AGAP1: variants seen among roughly 807,000 people sequenced by gnomAD.
AGAP1 encodes arf-GAP with GTPase, ANK repeat and PH domain-containing protein 1.
Under a neutral mutation model 105.3 loss-of-function variants are expected in AGAP1, and 29 were observed. That is an observed-to-expected ratio of 0.28 (90% CI 0.21 to 0.38). The LOEUF is 0.38. Among genes scored for constraint, AGAP1 ranks in the 10% least tolerant of loss-of-function variants. The pLI is 1.00. For missense variants in AGAP1, 998 were observed against 1,165.1 expected, an observed-to-expected ratio of 0.86 and a Z score of 2.09; for synonymous variants, 509 against 485.9, an observed-to-expected ratio of 1.05 and a Z score of -0.63.
intron 1 of AGAP1, among the ~76,000 whole-genome samples, chr2:235,584,193 C>CT (rs11447483): frequency 0.35 from 48,466 of 139,794 alleles, 8,735 homozygotes; most frequent in Middle Eastern, 0.48. Context: ...CAATAAACCA[C>CT]TTTTTTTTTT....
At chr2:235,698,070 T>C (rs1950078407) in intron 1 of AGAP1, among the ~76,000 whole-genome samples, 1 of 151,956 alleles carries the variant, frequency 6.6e-6, no homozygotes, top group Non-Finnish European at 1.5e-5. Context: ...GGGGGGATGG[T>C]TTGGGATGAA....
chr2:235,562,539 T>G (rs1250203279), intron 1 of AGAP1, among the ~76,000 whole-genome samples: 2 of 150,450 alleles, frequency 1.3e-5, no homozygotes, highest in Non-Finnish European at 3.0e-5. Context: ...GTCCGGCTTC[T>G]CTCCTTTCCG....
intron 6 of AGAP1, among the ~76,000 whole-genome samples, chr2:235,765,846 G>T (rs1358613035): frequency 6.6e-6 from 1 of 152,108 alleles, no homozygotes; most frequent in Non-Finnish European, 1.5e-5. Flanking sequence ...TCCCATGCCC[G>T]CACCAAGATT....
Position 235,553,851 on chromosome 2 carries a change from A to G in AGAP1, c.163+59002A>G, listed in dbSNP as rs572094981. Among the ~76,000 whole-genome samples the G allele has an allele frequency of 7.9e-5, 12 of 152,348 alleles. No individual in the cohort carries two copies. In the South Asian group the frequency reaches 1.9e-3, roughly 24 times the overall value. The stretch of plus-strand genomic sequence containing the variant: ...ACCCGACAATGGCTTGATTCACTTG[A>G]TAAGTGAAAGGAACTTCCACGTAAG... On this transcript the variant is annotated intron_variant, in intron 1 of 17. Coordinates refer to ENST00000304032, the MANE Select transcript of AGAP1 (RefSeq NM_001037131.3). This position sits in a 1 kb window ranked among gnomAD's most constrained non-coding sequence, Gnocchi z 4.5.
At chr2:235,679,006 T>G (rs1187078152) in intron 1 of AGAP1, among the ~76,000 whole-genome samples, 1 of 152,252 alleles carries the variant, frequency 6.6e-6, no homozygotes, top group Non-Finnish European at 1.5e-5. Context: ...ACAGCCAGCC[T>G]TGACTCGAAA....
intron 1 of AGAP1, among the ~76,000 whole-genome samples, chr2:235,590,692 C>CGTGTGT (rs1183327731): frequency 8.3e-5 from 6 of 72,558 alleles, no homozygotes; most frequent in African/African-American, 2.0e-4. Context: ...TGTGCGTGTG[C>CGTGTGT]GTGTGTGTGT....
rs928005220 is a variant in AGAP1, at chr2:235,660,838, T to G, written c.164-48341T>G. Among the ~76,000 whole-genome samples, 1 of 152,200 alleles carries G rather than the reference T, an allele frequency of 6.6e-6. No homozygotes were observed. Among genetic ancestry groups the G allele is most frequent in the African/African-American group, 2.4e-5 (1 of 41,454 alleles). ...TACCGTATTGTTCTTGTCCCGTTTT[T>G]GCAGAAATGAAAACCTGATGCAGAG... On this transcript the variant is annotated intron_variant, in intron 1 of 17. Coordinates refer to ENST00000304032, the MANE Select transcript of AGAP1 (RefSeq NM_001037131.3). The surrounding 1 kb of genome is among the most constrained non-coding windows in gnomAD (Gnocchi z 5.3).
At chr2:235,895,555 C>T (rs987382375) in intron 10 of AGAP1, among the ~76,000 whole-genome samples, 2 of 152,160 alleles carry the variant, frequency 1.3e-5, no homozygotes, top group South Asian at 2.1e-4. Context: ...TCCCCACACT[C>T]GGCCTATTTG....
rs2059910077 is a variant in AGAP1 at position 236,121,937 on chromosome 2, A to G, written c.2370+1490A>G. Among the ~76,000 whole-genome samples the G allele has an allele frequency of 6.6e-6, 1 of 151,186 alleles. No individual in the cohort carries two copies. The highest frequency in any genetic ancestry group is 2.4e-5 in the African/African-American group (1 of 41,156). ...CCTTTCCTCTGCACTCGCTCCTGGT[A>G]GCTCTCTCCTTTCCCCCCACCCCCT... is the stretch of plus-strand genomic sequence containing the variant. On this transcript the variant is annotated intron_variant, in intron 17 of 17. Coordinates refer to ENST00000304032, the MANE Select transcript of AGAP1 (RefSeq NM_001037131.3). The surrounding 1 kb of genome is among the most constrained non-coding windows in gnomAD (Gnocchi z 4.9).
intron 15 of AGAP1, among the ~76,000 whole-genome samples, chr2:236,043,095 C>T (rs576587667): frequency 1.3e-4 from 20 of 152,340 alleles, no homozygotes; most frequent in African/African-American, 4.8e-4. Context: ...GAAGATGTAG[C>T]ACATTGGCAA....
intron 2 of AGAP1, among the ~76,000 whole-genome samples, chr2:235,709,468 T>C (rs1349910592): frequency 1.3e-5 from 2 of 152,010 alleles, no homozygotes; most frequent in Admixed American, 6.5e-5. Flanking sequence ...GCCAGGGCGG[T>C]GTCTCATGTG....
chr2:235,683,300 C>T (rs1414063155), intron 1 of AGAP1, among the ~76,000 whole-genome samples: 2 of 152,016 alleles, frequency 1.3e-5, no homozygotes, highest in Non-Finnish European at 2.9e-5. Context: ...AGTGAGACTC[C>T]ATCTCAAACA....
chr2:235,982,670 G>A lies in AGAP1; in HGVS notation c.1645+14047G>A, dbSNP rs527316688. 1.1e-4 allele frequency among the ~76,000 whole-genome samples: 17 copies of A among 152,340 alleles called. No individual in the cohort carries two copies. Among genetic ancestry groups the A allele is most frequent in the South Asian group, 2.1e-4 (1 of 4,826 alleles). The stretch of plus-strand genomic sequence containing the variant: ...CAGCACAGAAATACTTGCCCAGTCC[G>A]TTCGTGGAAGGAAAGAACCGAAGCC... On this transcript the variant is annotated intron_variant, in intron 13 of 17. Transcript: ENST00000304032. The surrounding 1 kb of genome is among the most constrained non-coding windows in gnomAD (Gnocchi z 4.9).
chr2:235,713,885 G>A (rs866249369), intron 2 of AGAP1, among the ~76,000 whole-genome samples: 16 of 152,356 alleles, frequency 1.1e-4, no homozygotes, highest in African/African-American at 2.6e-4. Context: ...GTGTCCTCAC[G>A]TGGAGGAAGA....
At chr2:235,911,310 C>T (rs2051599444) in intron 11 of AGAP1, among the ~76,000 whole-genome samples, 1 of 152,096 alleles carries the variant, frequency 6.6e-6, no homozygotes, top group Admixed American at 6.5e-5. Context: ...CCACAGGCCC[C>T]AGGAGGGCTG....
rs1274132513 is a variant in AGAP1, at chr2:236,001,165, C to G, written c.1645+32542C>G. On this transcript the variant is annotated intron_variant, in intron 13 of 17. Coordinates refer to ENST00000304032, the MANE Select transcript of AGAP1 (RefSeq NM_001037131.3). This position sits in a 1 kb window ranked among gnomAD's most constrained non-coding sequence, Gnocchi z 4.7. ...GACTCTGGCGGTGGCTGGGGCAGCG[C>G]GGCTGTGGGGCAGAGAATGCTGAGA... Among the ~76,000 whole-genome samples the G allele has an allele frequency of 6.6e-6, 1 of 152,076 alleles. No homozygotes were observed. Among genetic ancestry groups the G allele is most frequent in the South Asian group, 2.1e-4 (1 of 4,826 alleles).
chr2:235,593,068 G>T (rs1230985383), intron 1 of AGAP1, among the ~76,000 whole-genome samples: 2 of 152,196 alleles, frequency 1.3e-5, no homozygotes, highest in African/African-American at 4.8e-5. Context: ...GGTGAGAGAT[G>T]GCTCGGAAGT....
intron 9 of AGAP1, among the ~76,000 whole-genome samples, chr2:235,876,725 C>A (rs973290698): frequency 6.6e-6 from 1 of 152,172 alleles, no homozygotes; most frequent in Non-Finnish European, 1.5e-5. Context: ...TTACCTCCAG[C>A]GTGTTTCTTG....
chr2:235,922,768 A>G (rs1229930259), intron 11 of AGAP1, among the ~76,000 whole-genome samples: 1 of 152,240 alleles, frequency 6.6e-6, no homozygotes, highest in Non-Finnish European at 1.5e-5. Context: ...CTCATTTGAG[A>G]TCAGTTCAGG....
Sources: gnomAD v4.1 joint callset for allele counts (sites outside exome capture counted in the v4.1 genomes callset) on GRCh38, gnomAD v4.1.1 for gene constraint, Gnocchi (gnomAD v3.1) non-coding constraint, MANE v1.5 for transcripts, NCBI Gene and HGNC (gene_info 2026-07-23, HGNC 2026-07-21) for gene names.